COL9A3: variants seen among roughly 807,000 people sequenced by gnomAD.
The protein encoded by COL9A3 is collagen alpha-3(IX) chain.
A neutral mutation model predicts 110.2 loss-of-function variants in COL9A3; 82 were observed. That is an observed-to-expected ratio of 0.74 (90% CI 0.62 to 0.89). COL9A3 has a LOEUF of 0.89. COL9A3 is among the 40% of genes least tolerant of loss of function. The pLI, the probability that COL9A3 is intolerant of heterozygous loss-of-function variation, is 0.00. For missense variants in COL9A3, 1,066 were observed against 981.3 expected (o/e 1.09, Z -1.15); for synonymous variants, 494 against 403.8 (o/e 1.22, Z -2.68).
In COL9A3 at chr20:62,819,240, G is replaced by A; in HGVS notation, c.202G>A (p.Gly68Arg). 1.2e-6 allele frequency: 2 copies of A among 1,612,766 alleles called. No individual in the cohort carries two copies. Among genetic ancestry groups the A allele is most frequent in the Non-Finnish European group, 1.7e-6 (2 of 1,179,960 alleles). The change falls in exon 4 of 32, where the codon GGA becomes AGA. Residue 68 changes from glycine to arginine, a missense_variant. By Grantham distance (125) the Gly-to-Arg change is moderately radical. Coordinates refer to ENST00000649368, the MANE Select transcript of COL9A3 (RefSeq NM_001853.4). ...PGPPGPKGAP[G>R]KPGKPGEAGL... ...TGCACAGGGACCAAAGGGGGCCCCA[G>A]GAAAGCCGGGGAAACCAGGAGAGGC... is the stretch of plus-strand genomic sequence containing the variant.
intron 30 of COL9A3, among the ~76,000 whole-genome samples, chr20:62,838,114 T>C (rs1022368947): frequency 4.6e-5 from 7 of 152,202 alleles, no homozygotes; most frequent in Admixed American, 6.5e-5. Context: ...GCATAAATAT[T>C]TTGAACAAAA....
chr20:62,836,391 G>T, intron 28 of COL9A3, 58 bp downstream of exon 28: 1 of 1,614,050 alleles, frequency 6.2e-7, no homozygotes, highest in South Asian at 1.1e-5. Flanking sequence ...GTTTTTTCCG[G>T]AAGGAAGTTA....
Position 62,819,957 on chromosome 20 carries a change from G to A in COL9A3, c.284G>A (p.Gly95Glu). The change falls in exon 5 of 32, where the codon GGA (glycine) becomes GAA (glutamate). Residue 95 changes from glycine to glutamate, a missense_variant. Coordinates refer to ENST00000649368, the MANE Select transcript of COL9A3 (RefSeq NM_001853.4). ...CTGACTGGACGAGATGGACCCCCTGGACCCAAGGGTGCCCCTGGGGAACGG... is the reference window on the plus strand; with the variant it reads ...CTGACTGGACGAGATGGACCCCCTGAACCCAAGGGTGCCCCTGGGGAACGG... ...DGLTGRDGPP[G>E]PKGAPGERGS... 1 of 1,612,900 alleles carries A rather than the reference G, an allele frequency of 6.2e-7. No individual in the cohort carries two copies. Among genetic ancestry groups the A allele is most frequent in the Non-Finnish European group, 8.5e-7 (1 of 1,179,980 alleles).
rs934492473 is a variant in COL9A3 at position 62,838,856 on chromosome 20, CTT to C, written c.1864+98_1864+99del. The C allele has an allele frequency of 5.2e-6, 5 of 968,128 alleles. No individual in the cohort carries two copies. The African/African-American group carries it at 6.5e-5, about 12-fold the overall frequency. The allele number at this position is 968,128 out of a possible 1,614,324, so 60.0% of individuals were successfully genotyped here. A position where few individuals can be genotyped will look rare whatever the true frequency, so the allele number is the denominator to read the frequency against. The stretch of plus-strand genomic sequence containing the variant: ...GCGTGCTTGGGTTATGAATGGGTCT[CTT>C]TTCCTCTTCTCTTGGCAAAGCAGTC... On this transcript the variant is annotated intron_variant, in intron 31 of 31. Coordinates refer to ENST00000649368, the MANE Select transcript of COL9A3 (RefSeq NM_001853.4).
rs748920429 is a variant in COL9A3, at chr20:62,828,780, A to T, written c.917A>T (p.Asp306Val). 6.2e-7 allele frequency: 1 copy of T among 1,612,822 alleles called. No individual in the cohort carries two copies. The highest frequency in any genetic ancestry group is 8.5e-7 in the Non-Finnish European group (1 of 1,179,916). ...PSGEPGMPGK[D>V]GQNGVPGLDG... is the part of the protein sequence containing the mutation. ...TGTCCCCAGGGCATGCCGGGCAAGG[A>T]CGGCCAGAATGGCGTGCCAGGACTC... Residue 306 changes from aspartate to valine, a missense_variant, in exon 18 of 32, where the codon GAC (aspartate) becomes GTC (valine). Physicochemically the swap from Asp to Val is radical, Grantham distance 152. Transcript: ENST00000649368.
chr20:62,827,089 C>T (rs1191809556), intron 15 of COL9A3, 152 bp from the exon 16 acceptor site: 6 of 782,612 alleles, frequency 7.7e-6, no homozygotes, highest in Admixed American at 4.0e-5. Flanking sequence ...TCTGACCACT[C>T]CTGGAGGGCC....
chr20:62,830,475 G>A (rs771265756), intron 23 of COL9A3, 42 bp from the exon 24 acceptor site: 164 of 1,597,114 alleles, frequency 1.0e-4, no homozygotes, highest in Non-Finnish European at 1.3e-4. Flanking sequence ...GGCCAGACCC[G>A]ACAGGGTATG....
chr20:62,818,792 G>C (rs1184530014), intron 3 of COL9A3, among the ~76,000 whole-genome samples: 3 of 152,088 alleles, frequency 2.0e-5, no homozygotes, highest in African/African-American at 7.3e-5. Flanking sequence ...ACCAGCGCCA[G>C]GCAGGCCGGG....
chr20:62,838,639 C>A, intron 30 of COL9A3, 45 bp from the exon 31 acceptor site: 1 of 1,508,920 alleles, frequency 6.6e-7, no homozygotes, highest in Non-Finnish European at 9.0e-7. Context: ...GGTGTGGCTG[C>A]AACAGATACT....
chr20:62,834,699 G>A (rs1163294649), intron 26 of COL9A3, among the ~76,000 whole-genome samples: 2 of 152,060 alleles, frequency 1.3e-5, no homozygotes, highest in Non-Finnish European at 2.9e-5. Context: ...CTGGAGTGCG[G>A]TGGTGTGATC....
At chr20:62,817,490 C>T in intron 1 of COL9A3, 77 bp from the exon 2 acceptor site, 9 of 1,089,178 alleles carry the variant, frequency 8.3e-6, no homozygotes, top group Non-Finnish European at 1.2e-5. Flanking sequence ...CGGAGCCGCT[C>T]GGGACCCGGG....
chr20:62,835,924 C>G lies in COL9A3; in HGVS notation c.1372C>G (p.Pro458Ala), dbSNP rs2063631201. Residue 458 changes from proline to alanine, a missense_variant, in exon 27 of 32, where the codon CCC becomes GCC. Physicochemically the swap from Pro to Ala is conservative, Grantham distance 27. Coordinates refer to ENST00000649368, the MANE Select transcript of COL9A3 (RefSeq NM_001853.4). ...CACACAACTTTTCTCTTCACAGGGTCCCAGCGGCCTGGTCGGACCCAAAGG... is the reference window on the plus strand; with the variant it reads ...CACACAACTTTTCTCTTCACAGGGTGCCAGCGGCCTGGTCGGACCCAAAGG... ...GLPGDKGELG[P>A]SGLVGPKGES... The G allele has an allele frequency of 1.2e-6, 2 of 1,614,112 alleles. No homozygotes were observed. The highest frequency in any genetic ancestry group is 1.7e-5 in the Admixed American group (1 of 60,016).
chr20:62,827,376 C>A, intron 16 of COL9A3, 82 bp downstream of exon 16: 2 of 1,454,806 alleles, frequency 1.4e-6, no homozygotes, highest in African/African-American at 1.4e-5. Flanking sequence ...GGGAGGGGGA[C>A]ACACTTGGGA....
chr20:62,829,410 G>C, intron 19 of COL9A3, 45 bp from the exon 20 acceptor site: 1 of 1,611,702 alleles, frequency 6.2e-7, no homozygotes, highest in Non-Finnish European at 8.5e-7. Context: ...TGCTGCCGGC[G>C]TGCAATGTAA....
intron 25 of COL9A3, among the ~76,000 whole-genome samples, chr20:62,832,668 A>G (rs368426191): frequency 2.8e-5 from 3 of 106,918 alleles, no homozygotes; most frequent in East Asian, 3.2e-4. Context: ...GGGTGGGGCC[A>G]TGGCCGTGGC....
intron 15 of COL9A3, 54 bp downstream of exon 15, chr20:62,826,874 C>A: frequency 6.3e-7 from 1 of 1,584,242 alleles, no homozygotes. Context: ...TCTCCCCTTT[C>A]CCTCTGCTCC....
intron 24 of COL9A3, among the ~76,000 whole-genome samples, chr20:62,830,866 A>C (rs1291295965): frequency 7.2e-6 from 1 of 138,830 alleles, no homozygotes; most frequent in Non-Finnish European, 1.6e-5. Flanking sequence ...GGCCATGGGC[A>C]GTGTCTCCCT....
rs752646714 is a variant in COL9A3 at position 62,829,443 on chromosome 20, C to A, written c.1009-12C>A. On this transcript the variant is annotated splice_polypyrimidine_tract_variant and intron_variant, in intron 19 of 31. Transcript: ENST00000649368. ...TAACTGGCAGCCCTGACCGCAAGCT[C>A]TCTCCTGGCAGGGCCTCCCTGGACG... is the stretch of plus-strand genomic sequence containing the variant. 4.3e-6 allele frequency: 7 copies of A among 1,612,624 alleles called. No homozygotes were observed. The highest frequency in any genetic ancestry group is 2.7e-5 in the African/African-American group (2 of 74,928).
Position 62,840,503 on chromosome 20 carries a change from C to T in COL9A3, c.1865-39C>T, listed in dbSNP as rs369423021. The T allele has an allele frequency of 3.6e-4, 572 of 1,582,964 alleles. 1 individual carries two copies. The highest frequency in any genetic ancestry group is 3.2e-4 in the Non-Finnish European group (371 of 1,154,316). On this transcript the variant is annotated intron_variant, in intron 31 of 31. Transcript: ENST00000649368. Reference sequence around the variant, plus strand: ...ATGTCAAGTCCCCCTGCTTTCAGTCCGGGCTGCAGCTGAACTCACCTTTCT... The same window carrying T: ...ATGTCAAGTCCCCCTGCTTTCAGTCTGGGCTGCAGCTGAACTCACCTTTCT...
Sources: allele counts gnomAD v4.1 joint callset (sites outside exome capture counted in the v4.1 genomes callset), GRCh38; gene constraint gnomAD v4.1.1; transcripts MANE v1.5; gene names NCBI Gene and HGNC (gene_info 2026-07-23, HGNC 2026-07-21).